AACS: variants seen among roughly 807,000 people sequenced by gnomAD.
The protein encoded by AACS is acetoacetate-CoA ligase.
In AACS, 69 loss-of-function variants were observed where a neutral mutation model predicts 83.1. The ratio of observed to expected loss-of-function variants is 0.83; its 90% CI spans 0.68 to 1.01. The LOEUF is 1.01. Among genes scored for constraint, AACS ranks in the 50% least tolerant of loss-of-function variants. AACS has a pLI of 0.00. For missense variants in AACS, 866 were observed against 882.2 expected, an observed-to-expected ratio of 0.98 and a Z score of 0.23; for synonymous variants, 333 against 343.4, an observed-to-expected ratio of 0.97 and a Z score of 0.33.
intron 14 of AACS, among the ~76,000 whole-genome samples, chr12:125,131,917 A>C (rs1052232776): frequency 6.6e-6 from 1 of 152,214 alleles, no homozygotes; most frequent in African/African-American, 2.4e-5. Flanking sequence ...ATTTTTAAAA[A>C]CTTAAAATTT....
intron 14 of AACS, 60 bp from the exon 15 acceptor site, chr12:125,133,943 A>G (rs1459433761): frequency 9.5e-6 from 15 of 1,579,500 alleles, no homozygotes; most frequent in Middle Eastern, 1.7e-4. Flanking sequence ...GCGTCTGTCC[A>G]GGCAGCCTGT....
At chr12:125,098,344 T>G (rs1368650319) in intron 5 of AACS, among the ~76,000 whole-genome samples, 2 of 151,764 alleles carry the variant, frequency 1.3e-5, no homozygotes, top group Non-Finnish European at 2.9e-5. Flanking sequence ...GAGTGAGCTG[T>G]GATCTGTCTA....
At chr12:125,073,718 G>T (rs955243802) in intron 1 of AACS, among the ~76,000 whole-genome samples, 158 bp from the exon 2 acceptor site, 5 of 152,170 alleles carry the variant, frequency 3.3e-5, no homozygotes, top group Non-Finnish European at 7.3e-5. Flanking sequence ...TGTTGGGTTT[G>T]CGTCAATACA....
intron 3 of AACS, among the ~76,000 whole-genome samples, chr12:125,084,918 A>G (rs1029826107): frequency 1.6e-4 from 25 of 152,134 alleles, no homozygotes; most frequent in African/African-American, 6.0e-4. Flanking sequence ...TCACTATCTT[A>G]CCCAGGCTGG....
At chr12:125,134,232 T>C (rs1048692813) in intron 15 of AACS, among the ~76,000 whole-genome samples, 160 bp downstream of exon 15, 1 of 151,968 alleles carries the variant, frequency 6.6e-6, no homozygotes, top group African/African-American at 2.4e-5. Context: ...CCTCTGCTGG[T>C]GTCTGGGACC....
chr12:125,114,610 T>C lies in AACS; in HGVS notation c.996+53T>C, dbSNP rs1482270640. On this transcript the variant is annotated intron_variant, in intron 9 of 17. Coordinates refer to ENST00000316519, the MANE Select transcript of AACS (RefSeq NM_023928.5). ...TGCTATACCACAATAGGGGCTTCCC[T>C]GGGTGCCAGCCCATGACACATAGTA... is the stretch of plus-strand genomic sequence containing the variant. The C allele has an allele frequency of 1.6e-5, 25 of 1,515,432 alleles. No individual in the cohort carries two copies. In the East Asian group the frequency reaches 2.6e-4, roughly 16 times the overall value. The allele number at this position is 1,515,432 out of a possible 1,614,324, so 93.9% of individuals were successfully genotyped here.
chr12:125,102,463 G>T (rs924668125), intron 5 of AACS: 10 of 486,778 alleles, frequency 2.1e-5, no homozygotes, highest in Non-Finnish European at 3.8e-5. Context: ...GCTACTGAAG[G>T]TTTTTGCCAT....
chr12:125,106,470 T>A (rs1956836331), intron 7 of AACS, among the ~76,000 whole-genome samples: 1 of 152,204 alleles, frequency 6.6e-6, no homozygotes, highest in Non-Finnish European at 1.5e-5. Flanking sequence ...GATATTTGTA[T>A]CTTGCTATTG....
chr12:125,128,530 G>A, intron 13 of AACS: 1 of 314,184 alleles, frequency 3.2e-6, no homozygotes, highest in Non-Finnish European at 5.8e-6. Flanking sequence ...CAGTGGGCAG[G>A]TGGGTGGTCA....
chr12:125,093,331 T>C (rs1592963990), intron 5 of AACS, among the ~76,000 whole-genome samples: 1 of 151,338 alleles, frequency 6.6e-6, no homozygotes, highest in African/African-American at 2.4e-5. Context: ...GGCCAGGGGG[T>C]GGAGAGAGGG....
rs1446719608 is a variant in AACS at position 125,065,736 on chromosome 12, G to C, written c.133+19G>C. ...GCGCTGGGTGAGAGTCGGGCGCGCGGCCGGGCCTGCGGGGGATGGGCGGGA... is the reference window on the plus strand; with the variant it reads ...GCGCTGGGTGAGAGTCGGGCGCGCGCCCGGGCCTGCGGGGGATGGGCGGGA... On this transcript the variant is annotated intron_variant, in intron 1 of 17. Coordinates refer to ENST00000316519, the MANE Select transcript of AACS (RefSeq NM_023928.5). The C allele has an allele frequency of 4.0e-6, 6 of 1,517,356 alleles. No homozygotes were observed. Among genetic ancestry groups the C allele is most frequent in the Non-Finnish European group, 5.3e-6 (6 of 1,133,444 alleles). 94.0% of individuals were successfully genotyped at this position (1,517,356 alleles called of 1,614,324 possible).
intron 8 of AACS, among the ~76,000 whole-genome samples, chr12:125,112,580 T>C (rs1009416799): frequency 2.7e-5 from 4 of 148,304 alleles, no homozygotes; most frequent in African/African-American, 1.0e-4. Flanking sequence ...CTTGGGAGGC[T>C]GAGGCAGGAG....
At chr12:125,079,940 T>C (rs1270592529) in intron 3 of AACS, among the ~76,000 whole-genome samples, 1 of 152,222 alleles carries the variant, frequency 6.6e-6, no homozygotes, top group East Asian at 1.9e-4. Context: ...TTTTGTATAA[T>C]TGGATCATAC....
intron 4 of AACS, among the ~76,000 whole-genome samples, chr12:125,088,968 A>C (rs1329412892): frequency 6.6e-6 from 1 of 152,208 alleles, no homozygotes; most frequent in African/African-American, 2.4e-5. Context: ...AGATGGAGTT[A>C]AAGCTGCGCC....
intron 7 of AACS, among the ~76,000 whole-genome samples, chr12:125,106,635 A>G (rs1245978810): frequency 1.3e-5 from 2 of 152,194 alleles, no homozygotes; most frequent in African/African-American, 4.8e-5. Flanking sequence ...CGGGGGAAGC[A>G]TCTTACTTCA....
intron 10 of AACS, chr12:125,124,138 C>G (rs1957203842): frequency 6.6e-6 from 1 of 152,562 alleles, no homozygotes; most frequent in Non-Finnish European, 1.5e-5. Flanking sequence ...ATAGCAAGAC[C>G]CTGTCTCTCA....
intron 16 of AACS, 124 bp downstream of exon 16, chr12:125,134,976 A>G (rs1957382028): frequency 2.7e-6 from 3 of 1,129,624 alleles, no homozygotes; most frequent in Non-Finnish European, 3.9e-6. Flanking sequence ...GACAGTGGAC[A>G]TTTGTGAGCC....
chr12:125,116,309 G>C (rs1957051642), intron 9 of AACS, among the ~76,000 whole-genome samples: 1 of 152,178 alleles, frequency 6.6e-6, no homozygotes, highest in Admixed American at 6.5e-5. Flanking sequence ...CTTGTATTGA[G>C]AGGAAGGATA....
At position 125,077,344 on chromosome 12, in the gene AACS, A is replaced by G. The variant is rs529853881; in HGVS notation, c.358+733A>G. On this transcript the variant is annotated intron_variant, in intron 3 of 17. Transcript: ENST00000316519. ...GCTAACATGGTGAAACCCCGTCTCT[A>G]CTGAAAATACAAAATATTAGCCAGG... 2.0e-5 allele frequency among the ~76,000 whole-genome samples: 3 copies of G among 152,110 alleles called. No homozygotes were observed. In the South Asian group the frequency reaches 6.2e-4, roughly 32 times the overall value.
Sources: allele counts gnomAD v4.1 joint callset (sites outside exome capture counted in the v4.1 genomes callset), GRCh38; gene constraint gnomAD v4.1.1; transcripts MANE v1.5; gene names NCBI Gene and HGNC (gene_info 2026-07-23, HGNC 2026-07-21).